RP1L1: variants seen among roughly 807,000 people sequenced by gnomAD.
RP1L1 encodes the protein retinitis pigmentosa 1-like 1 protein.
A neutral mutation model predicts 15.7 loss-of-function variants in RP1L1; 27 were observed. That is an observed-to-expected ratio of 1.72 (90% CI 1.27 to 2.38). RP1L1 has a LOEUF of 2.38. Among genes scored for constraint, RP1L1 ranks in the 30% most tolerant of loss-of-function variants. The probability of loss-of-function intolerance (pLI) is 0.00; values close to 1 mark genes in which losing one functional copy is unlikely to be tolerated. For missense variants in RP1L1, 4,798 were observed against 3,075.9 expected, an observed-to-expected ratio of 1.56 and a Z score of -13.24; for synonymous variants, 1,813 against 1,276.7, an observed-to-expected ratio of 1.42 and a Z score of -8.96.
In RP1L1 at chr8:10,610,001, C is replaced by A; in HGVS notation, c.4097G>T (p.Gly1366Val). 6.3e-7 allele frequency: 1 copy of A among 1,586,322 alleles called. No homozygotes were observed. Among genetic ancestry groups the A allele is most frequent in the Non-Finnish European group, 8.6e-7 (1 of 1,165,742 alleles). The change falls in exon 4 of 4, where the codon GGG becomes GTG. Residue 1366 changes from glycine to valine, a missense_variant. Coordinates refer to ENST00000382483, the MANE Select transcript of RP1L1 (RefSeq NM_178857.6). ...LEEIEETGGE[G>V]LQEEGVQLEE... ...TAACTGCACCCCCTCTTCTTGCAGC[C>A]CTTCTCCTCCTGTTTCTTCAATTTC...
intron 1 of RP1L1, among the ~76,000 whole-genome samples, chr8:10,641,401 G>C (rs1585998439): frequency 6.6e-6 from 1 of 152,150 alleles, no homozygotes; most frequent in African/African-American, 2.4e-5. Context: ...AAATGTGTTG[G>C]ACTAAGCCAC....
intron 1 of RP1L1, among the ~76,000 whole-genome samples, chr8:10,651,495 G>A (rs1442823563): frequency 2.0e-5 from 3 of 152,192 alleles, no homozygotes; most frequent in Non-Finnish European, 4.4e-5. Flanking sequence ...TTGGGAGGCT[G>A]AGGTGGGCAG....
chr8:10,610,884 G>A lies in RP1L1; in HGVS notation c.3214C>T (p.Leu1072=). The A allele has an allele frequency of 6.2e-7, 1 of 1,610,096 alleles. No individual in the cohort carries two copies. The highest frequency in any genetic ancestry group is 8.5e-7 in the Non-Finnish European group (1 of 1,178,358). Residue 1072 remains leucine (L), a synonymous_variant, in exon 4 of 4, where the codon CTG becomes TTG. Transcript: ENST00000382483. The part of the protein sequence containing the change: ...REAPAGCRVS[L]RALPGRVSAS... ...GACACCCGGCCAGGAAGTGCCCGCA[G>A]GCTCACCCTGCAGCCTGCTGGGGCC...
At chr8:10,640,998 T>G (rs1026761771) in intron 1 of RP1L1, among the ~76,000 whole-genome samples, 2 of 152,160 alleles carry the variant, frequency 1.3e-5, no homozygotes, top group African/African-American at 4.8e-5. Flanking sequence ...TGCAAACTCT[T>G]AAGTTCAAGC....
intron 1 of RP1L1, among the ~76,000 whole-genome samples, chr8:10,634,144 TACAGTTATCAGGCC>T (rs1378834682): frequency 2.0e-5 from 3 of 152,182 alleles, no homozygotes; most frequent in Admixed American, 2.0e-4. Flanking sequence ...CATAACATGG[TACAGTTATCAGGCC>T]ACACAGCACC....
chr8:10,607,763 T>C lies in RP1L1; in HGVS notation c.6335A>G (p.Lys2112Arg), dbSNP rs200725430. The C allele has an allele frequency of 2.3e-5, 36 of 1,584,214 alleles. No individual in the cohort carries two copies. The highest frequency in any genetic ancestry group is 3.1e-5 in the Non-Finnish European group (36 of 1,167,634). ...EAPEAEGEAQKAEGIEAPETE... is the reference protein window; with the variant it reads ...EAPEAEGEAQRAEGIEAPETE... ...CTCTGGGGCCTCTATACCTTCTGCC[T>C]TCTGGGCCTCCCCTTCTGCCTCTGG... Residue 2112 changes from lysine (K) to arginine (R), a missense_variant, in exon 4 of 4, where the codon AAG becomes AGG. Physicochemically the swap from Lys to Arg is conservative, Grantham distance 26. Coordinates refer to ENST00000382483, the MANE Select transcript of RP1L1 (RefSeq NM_178857.6).
rs759794926 is a variant in RP1L1 at position 10,608,638 on chromosome 8, T to C, written c.5460A>G (p.Ala1820=). The C allele has an allele frequency of 2.5e-6, 4 of 1,614,204 alleles. No individual in the cohort carries two copies. In the East Asian group the frequency reaches 8.9e-5, roughly 36 times the overall value. The change falls in exon 4 of 4, where the codon GCA becomes GCG. Residue 1820 remains alanine, a synonymous_variant. Transcript: ENST00000382483. ...TCTGTCCTGGATCTTGGTCACCTCC[T>C]GCCGCAGCTTCACCCTGCAAGTTGT... ...HEDNLQGEAA[A]GGDQDPGQSD...
At chr8:10,622,335 C>CA (rs34315849) in intron 2 of RP1L1, among the ~76,000 whole-genome samples, 18,270 of 102,196 alleles carry the variant, frequency 0.18, 1,571 homozygotes, top group South Asian at 0.44. Flanking sequence ...AAAACAAAGC[C>CA]AAAAAAAAAA....
In RP1L1 at chr8:10,611,107, G is replaced by T; in HGVS notation, c.2991C>A (p.Asp997Glu). Residue 997 changes from aspartate to glutamate, a missense_variant, in exon 4 of 4, where the codon GAC becomes GAA. Coordinates refer to ENST00000382483, the MANE Select transcript of RP1L1 (RefSeq NM_178857.6). ...GCTCCCCCAGGCCTTCCAGAGAATG[G>T]TCATCCCCAGGGTCCACCTCGGGGC... ...LRGPEVDPGD[D>E]HSLEGLGEPA... The T allele has an allele frequency of 6.2e-7, 1 of 1,612,868 alleles. No individual in the cohort carries two copies. Among genetic ancestry groups the T allele is most frequent in the South Asian group, 1.1e-5 (1 of 91,080 alleles).
At position 10,612,038 on chromosome 8, in the gene RP1L1, G is replaced by A. The variant is rs775767928; in HGVS notation, c.2060C>T (p.Pro687Leu). The A allele has an allele frequency of 1.4e-5, 23 of 1,613,888 alleles. No homozygotes were observed. Among genetic ancestry groups the A allele is most frequent in the Non-Finnish European group, 1.8e-5 (21 of 1,180,034 alleles). ...PLDSSVTKQV[P>L]RPPERRRACQ... ...GGCCCTTCGCCGCTCAGGAGGCCTC[G>A]GCACTTGCTTGGTTACAGAGGAGTC... The change falls in exon 4 of 4, where the codon CCG becomes CTG. Residue 687 changes from proline to leucine, a missense_variant. Coordinates refer to ENST00000382483, the MANE Select transcript of RP1L1 (RefSeq NM_178857.6).
At position 10,610,384 on chromosome 8, in the gene RP1L1, C is replaced by T; in HGVS notation, c.3714G>A (p.Arg1238=). 1 of 1,614,080 alleles carries T rather than the reference C, an allele frequency of 6.2e-7. No individual in the cohort carries two copies. Among genetic ancestry groups the T allele is most frequent in the South Asian group, 1.1e-5 (1 of 91,082 alleles). Residue 1238 remains arginine, a synonymous_variant, in exon 4 of 4, where the codon AGG becomes AGA. Transcript: ENST00000382483. The part of the protein sequence containing the change: ...TELPLKTSNQ[R]PDSRTYESPG... ...GGCTCTCATAAGTTCTTGAATCAGG[C>T]CTCTGGTTGGAGGTTTTCAGGGGCA...
At chr8:10,623,495 GTCACCATGTCCCCAGAA>G (rs1410801151) in intron 1 of RP1L1, among the ~76,000 whole-genome samples, 28 of 145,072 alleles carry the variant, frequency 1.9e-4, no homozygotes, top group Admixed American at 1.4e-3. Flanking sequence ...TGCCTTCAGA[GTCACCATGTCCCCAGAA>G]CCACCATGAA....
Position 10,612,630 on chromosome 8 carries a change from C to T in RP1L1, c.1468G>A (p.Gly490Arg), listed in dbSNP as rs752197092. Residue 490 changes from glycine to arginine, a missense_variant, in exon 4 of 4, where the codon GGG (glycine) becomes AGG (arginine). Transcript: ENST00000382483. ...VDSASPSAQIGAERKAGGSLG... is the reference protein window; with the variant it reads ...VDSASPSAQIRAERKAGGSLG... Reference sequence around the variant, plus strand: ...CTCCCTCCAGCTTTCCGCTCAGCCCCTATCTGGGCAGAGGGGCTGGCACTG... The same window carrying T: ...CTCCCTCCAGCTTTCCGCTCAGCCCTTATCTGGGCAGAGGGGCTGGCACTG... 27 of 1,602,658 alleles carry T rather than the reference C, an allele frequency of 1.7e-5. No homozygotes were observed. Among genetic ancestry groups the T allele is most frequent in the Admixed American group, 6.7e-5 (4 of 59,982 alleles).
intron 1 of RP1L1, among the ~76,000 whole-genome samples, chr8:10,629,112 G>A (rs56206264): frequency 0.075 from 11,374 of 152,280 alleles, 474 homozygotes; most frequent in South Asian, 0.11. Flanking sequence ...TGAGAAGTAC[G>A]GTAAGCACAG....
intron 1 of RP1L1, among the ~76,000 whole-genome samples, chr8:10,629,638 A>G (rs1798210474): frequency 6.6e-6 from 1 of 152,212 alleles, no homozygotes; most frequent in Non-Finnish European, 1.5e-5. Context: ...GACCCTCCCC[A>G]TAAATGACTT....
At chr8:10,628,904 G>C (rs768391131) in intron 1 of RP1L1, among the ~76,000 whole-genome samples, 3 of 152,222 alleles carry the variant, frequency 2.0e-5, no homozygotes, top group Admixed American at 2.0e-4. Flanking sequence ...TCATCAGTAA[G>C]GGAAGTAGGT....
Position 10,606,764 on chromosome 8 carries a change from TGGC to T in RP1L1, c.*128_*130del. The T allele has an allele frequency of 1.3e-6, 2 of 1,481,880 alleles. No homozygotes were observed. Among genetic ancestry groups the T allele is most frequent in the Non-Finnish European group, 1.8e-6 (2 of 1,103,828 alleles). 91.8% of individuals were successfully genotyped at this position (1,481,880 alleles called of 1,614,324 possible). A position where few individuals can be genotyped will look rare whatever the true frequency, so the allele number is the denominator to read the frequency against. On this transcript the variant is annotated 3_prime_UTR_variant, in exon 4 of 4. Coordinates refer to ENST00000382483, the MANE Select transcript of RP1L1 (RefSeq NM_178857.6). ...GACAGCATGGCATGGGCTGTGTCCT[TGGC>T]AAGTCCTTGGTCTTTGTCCATGTAC...
At chr8:10,624,382 ACACT>A (rs1798124041) in intron 1 of RP1L1, among the ~76,000 whole-genome samples, 2 of 152,220 alleles carry the variant, frequency 1.3e-5, no homozygotes, top group South Asian at 4.1e-4. Context: ...ACATACACAC[ACACT>A]CACACATACA....
chr8:10,644,627 A>G (rs957922254), intron 1 of RP1L1, among the ~76,000 whole-genome samples: 19 of 152,222 alleles, frequency 1.2e-4, no homozygotes, highest in South Asian at 8.3e-4. Flanking sequence ...GTCCTTTTCC[A>G]TCAACAAAAC....
Sources: allele counts gnomAD v4.1 joint callset (sites outside exome capture counted in the v4.1 genomes callset), GRCh38; gene constraint gnomAD v4.1.1; transcripts MANE v1.5; gene names NCBI Gene and HGNC (gene_info 2026-07-23, HGNC 2026-07-21).